The following DACH1 variants were observed in gnomAD, a reference collection of about 807,000 sequenced individuals.
The protein encoded by DACH1 is dachshund family transcription factor 1, also known as dachshund homolog 1.
Under a neutral mutation model 54.2 loss-of-function variants are expected in DACH1, and 12 were observed. That is an observed-to-expected ratio of 0.22 (90% CI 0.14 to 0.36). DACH1 has a LOEUF of 0.36. DACH1 is among the 10% of genes least tolerant of loss of function. The probability of loss-of-function intolerance (pLI) is 1.00; values close to 1 mark genes in which losing one functional copy is unlikely to be tolerated. For missense variants in DACH1, 805 were observed against 929.8 expected, an observed-to-expected ratio of 0.87 and a Z score of 1.75; for synonymous variants, 386 against 366.2, an observed-to-expected ratio of 1.05 and a Z score of -0.62.
At chr13:71,622,967 G>A (rs988173248) in intron 3 of DACH1, among the ~76,000 whole-genome samples, 1 of 151,436 alleles carries the variant, frequency 6.6e-6, no homozygotes, top group Non-Finnish European at 1.5e-5. Context: ...TTCATGAAGT[G>A]GAATAGACAT....
At chr13:71,588,924 T>C (rs2138454135) in intron 3 of DACH1, among the ~76,000 whole-genome samples, 1 of 152,112 alleles carries the variant, frequency 6.6e-6, no homozygotes, top group South Asian at 2.1e-4. Context: ...TGTTTAAATA[T>C]AGCGAGATGT....
At chr13:71,561,656 T>C (rs997375003) in intron 4 of DACH1, among the ~76,000 whole-genome samples, 2 of 152,134 alleles carry the variant, frequency 1.3e-5, no homozygotes, top group Non-Finnish European at 2.9e-5. Flanking sequence ...GTACCCAGTT[T>C]CTGGTTCTTT....
intron 1 of DACH1, among the ~76,000 whole-genome samples, chr13:71,848,694 A>AT (rs1050714408): frequency 3.4e-4 from 52 of 151,946 alleles, no homozygotes; most frequent in African/African-American, 1.2e-3. Context: ...ATTAAAAAAA[A>AT]TTTTTTTGTA....
rs551320684 is a variant in DACH1, at chr13:71,584,917, A to AAT, written c.1127-11907_1127-11906dup. Among the ~76,000 whole-genome samples the AAT allele has an allele frequency of 8.5e-3, 1,282 of 151,382 alleles. 15 individuals are homozygous for AAT. Among genetic ancestry groups the AAT allele is most frequent in the African/African-American group, 0.027 (1,110 of 41,372 alleles). ...GAAATAGAGCAGAAAACATAATTTA[A>AAT]ATATATATATATATCCAGCATGCTA... On this transcript the variant is annotated intron_variant, in intron 3 of 10. Coordinates refer to ENST00000613252, the MANE Select transcript of DACH1 (RefSeq NM_080759.6).
intron 1 of DACH1, among the ~76,000 whole-genome samples, chr13:71,708,851 T>TG (rs1491526805): frequency 1.1e-5 from 1 of 90,008 alleles, no homozygotes; most frequent in Non-Finnish European, 2.7e-5. Context: ...AGTTTTTTGT[T>TG]GTTTTTTTTT....
chr13:71,602,742 CAAT>C (rs1193654481), intron 3 of DACH1, among the ~76,000 whole-genome samples: 1 of 151,764 alleles, frequency 6.6e-6, no homozygotes, highest in Non-Finnish European at 1.5e-5. Context: ...GAAATTCTGT[CAAT>C]AATATTTTCA....
intron 7 of DACH1, among the ~76,000 whole-genome samples, chr13:71,484,862 G>C (rs1305004478): frequency 6.6e-6 from 1 of 152,042 alleles, no homozygotes; most frequent in African/African-American, 2.4e-5. Context: ...AGGAGTTTGA[G>C]ACAAGTCTGG....
At chr13:71,805,777 G>C (rs915528015) in intron 1 of DACH1, among the ~76,000 whole-genome samples, 18 of 152,066 alleles carry the variant, frequency 1.2e-4, no homozygotes, top group African/African-American at 4.1e-4. Context: ...TATTTGCTTG[G>C]AGAAAGAAAT....
At chr13:71,834,629 G>A (rs1290137555) in intron 1 of DACH1, among the ~76,000 whole-genome samples, 1 of 152,016 alleles carries the variant, frequency 6.6e-6, no homozygotes, top group African/African-American at 2.4e-5. Flanking sequence ...GCACCCCGCT[G>A]TAGCCTATGT....
chr13:71,622,491 T>C (rs979245890), intron 3 of DACH1, among the ~76,000 whole-genome samples: 1 of 152,004 alleles, frequency 6.6e-6, no homozygotes, highest in African/African-American at 2.4e-5. Context: ...TCGAGTATCA[T>C]ATTAATGAAG....
At chr13:71,740,646 C>T (rs1033319411) in intron 1 of DACH1, among the ~76,000 whole-genome samples, 2 of 152,114 alleles carry the variant, frequency 1.3e-5, no homozygotes, top group African/African-American at 4.8e-5. Context: ...AAGGTAGCAA[C>T]AGTCATAAAG....
intron 3 of DACH1, among the ~76,000 whole-genome samples, chr13:71,577,798 G>T (rs919433721): frequency 2.6e-5 from 4 of 152,136 alleles, no homozygotes; most frequent in African/African-American, 9.7e-5. Context: ...GAAAGGGAAT[G>T]AAAAATGTTT....
In DACH1 at chr13:71,497,257, A is replaced by T. The variant is rs181007033; in HGVS notation, c.1571-8109T>A. ...AATAATCCAATCAATTATACATTTT[A>T]TAAATTTCATTTTGGAAACTTGGCT... On this transcript the variant is annotated intron_variant, in intron 6 of 10. Coordinates refer to ENST00000613252, the MANE Select transcript of DACH1 (RefSeq NM_080759.6). 2.3e-4 allele frequency among the ~76,000 whole-genome samples: 35 copies of T among 152,302 alleles called. No homozygotes were observed. In the East Asian group the frequency reaches 6.6e-3, roughly 29 times the overall value.
chr13:71,545,355 A>G (rs1385292820), intron 6 of DACH1, among the ~76,000 whole-genome samples: 1 of 152,126 alleles, frequency 6.6e-6, no homozygotes, highest in Non-Finnish European at 1.5e-5. Flanking sequence ...TTATTATGGA[A>G]TGGATAATAA....
At chr13:71,499,136 G>GACACACGCAGACAC (rs1555288004) in intron 6 of DACH1, among the ~76,000 whole-genome samples, 2 of 149,198 alleles carry the variant, frequency 1.3e-5, no homozygotes, top group African/African-American at 5.0e-5. Context: ...CACACACGCA[G>GACACACGCAGACAC]ACACACACAC....
At chr13:71,636,425 C>A (rs1297276217) in intron 2 of DACH1, among the ~76,000 whole-genome samples, 1 of 151,864 alleles carries the variant, frequency 6.6e-6, no homozygotes, top group Non-Finnish European at 1.5e-5. Flanking sequence ...GGCAGTGAAT[C>A]CTGTGAGCAC....
chr13:71,865,488 T>C (rs962180603), intron 1 of DACH1, among the ~76,000 whole-genome samples: 1 of 152,072 alleles, frequency 6.6e-6, no homozygotes, highest in Non-Finnish European at 1.5e-5. Flanking sequence ...GCCCTGTCGG[T>C]GCCGGGAGGC....
At chr13:71,627,283 A>T (rs1270541473) in intron 3 of DACH1, among the ~76,000 whole-genome samples, 3 of 150,872 alleles carry the variant, frequency 2.0e-5, no homozygotes, top group Non-Finnish European at 4.4e-5. Context: ...ATAATCTGTT[A>T]TCTGGGGCTT....
At chr13:71,805,901 G>A (rs771967332) in intron 1 of DACH1, among the ~76,000 whole-genome samples, 11 of 152,070 alleles carry the variant, frequency 7.2e-5, no homozygotes, top group African/African-American at 2.2e-4. Context: ...TCTACCTCCC[G>A]GGTTCAAACG....
Sources: gnomAD v4.1 joint callset for allele counts (sites outside exome capture counted in the v4.1 genomes callset) on GRCh38, gnomAD v4.1.1 for gene constraint, MANE v1.5 for transcripts, NCBI Gene and HGNC (gene_info 2026-07-23, HGNC 2026-07-21) for gene names.